Variants in ACSBG2 observed in about 807,000 individuals in gnomAD.
The protein encoded by ACSBG2 is long-chain-fatty-acid--CoA ligase ACSBG2.
ACSBG2 carries 62 observed loss-of-function variants against 74.7 expected under a neutral mutation model. The observed-to-expected ratio is 0.83, with a 90% CI of 0.68 to 1.03. ACSBG2 has a LOEUF of 1.03. Among genes scored for constraint, ACSBG2 ranks in the 50% least tolerant of loss-of-function variants. The probability of loss-of-function intolerance (pLI) is 0.00; values close to 1 mark genes in which losing one functional copy is unlikely to be tolerated. For missense variants in ACSBG2, 730 were observed against 817.6 expected (o/e 0.89, Z 1.31); for synonymous variants, 309 against 294.1 (o/e 1.05, Z -0.52).
intron 1 of ACSBG2, among the ~76,000 whole-genome samples, chr19:6,140,404 G>A (rs1322988880): frequency 6.6e-6 from 1 of 152,156 alleles, no homozygotes; most frequent in Non-Finnish European, 1.5e-5. Context: ...TCTCGGCCAG[G>A]CGCAATGGCT....
chr19:6,141,384 G>A (rs959433078), intron 1 of ACSBG2, 129 bp from the exon 2 acceptor site: 38 of 595,684 alleles, frequency 6.4e-5, no homozygotes, highest in African/African-American at 6.3e-4. Context: ...TCTCCTCCCA[G>A]GCCCAGGACA....
intron 14 of ACSBG2, 108 bp downstream of exon 14, chr19:6,190,800 T>C (rs34836033): frequency 0.38 from 92,115 of 240,314 alleles, 8,719 homozygotes; most frequent in Admixed American, 0.47. Flanking sequence ...AACACACACA[T>C]ACACACATAC....
At chr19:6,168,230 C>G (rs1371502217) in intron 7 of ACSBG2, among the ~76,000 whole-genome samples, 9 of 152,110 alleles carry the variant, frequency 5.9e-5, no homozygotes, top group Non-Finnish European at 8.8e-5. Flanking sequence ...TCCAACACAC[C>G]AGACACGTCC....
chr19:6,181,063 GA>G (rs2090234173), intron 8 of ACSBG2, among the ~76,000 whole-genome samples: 1 of 142,924 alleles, frequency 7.0e-6, no homozygotes, highest in Non-Finnish European at 1.5e-5. Flanking sequence ...AAAAAAAAAA[GA>G]AAAAGAAAAA....
intron 7 of ACSBG2, among the ~76,000 whole-genome samples, chr19:6,171,773 G>A (rs1020336755): frequency 2.0e-5 from 3 of 152,034 alleles, no homozygotes; most frequent in Non-Finnish European, 4.4e-5. Context: ...GCAAGATTAG[G>A]TAAATTTTCC....
At chr19:6,163,783 C>CAAA (rs1278911071) in intron 6 of ACSBG2, among the ~76,000 whole-genome samples, 38 of 81,064 alleles carry the variant, frequency 4.7e-4, no homozygotes, top group Non-Finnish European at 5.7e-4. Flanking sequence ...AAATAAAATA[C>CAAA]AAAAAAAAAA....
chr19:6,139,036 G>T (rs1047459784), intron 1 of ACSBG2, among the ~76,000 whole-genome samples: 2 of 151,908 alleles, frequency 1.3e-5, no homozygotes, highest in African/African-American at 4.8e-5. Flanking sequence ...TACTTTGTGT[G>T]TGTAAACTCC....
At chr19:6,167,962 CCAA>C (rs1397905901) in intron 7 of ACSBG2, among the ~76,000 whole-genome samples, 23 of 149,150 alleles carry the variant, frequency 1.5e-4, no homozygotes, top group African/African-American at 4.5e-4. Flanking sequence ...CGCCTCCCAC[CCAA>C]CTCCCACCCT....
chr19:6,183,977 T>A (rs1416550437), intron 10 of ACSBG2, among the ~76,000 whole-genome samples: 1 of 152,034 alleles, frequency 6.6e-6, no homozygotes, highest in Non-Finnish European at 1.5e-5. Flanking sequence ...TCTGTAAAAG[T>A]TTTTTTGTAG....
At chr19:6,139,028 C>T (rs2088713473) in intron 1 of ACSBG2, among the ~76,000 whole-genome samples, 1 of 151,880 alleles carries the variant, frequency 6.6e-6, no homozygotes, top group African/African-American at 2.4e-5. Context: ...GATTGATCTA[C>T]TTTGTGTGTG....
Position 6,154,524 on chromosome 19 carries a change from T to G in ACSBG2, c.387-1907T>G, listed in dbSNP as rs1416269007. Among the ~76,000 whole-genome samples, 8 of 149,600 alleles carry G rather than the reference T, an allele frequency of 5.3e-5. No homozygotes were observed. The South Asian group carries it at 8.4e-4, about 16-fold the overall frequency. On this transcript the variant is annotated intron_variant, in intron 4 of 14. Coordinates refer to ENST00000588485, the MANE Select transcript of ACSBG2 (RefSeq NM_030924.5). Reference sequence around the variant, plus strand: ...TATATAATATATTATATTATCTATATAGAGAGAGGTGGAGTCTCACTCTGT... The same window carrying G: ...TATATAATATATTATATTATCTATAGAGAGAGAGGTGGAGTCTCACTCTGT...
intron 7 of ACSBG2, 28 bp downstream of exon 7, chr19:6,166,043 T>TGGTG: frequency 6.2e-7 from 1 of 1,611,694 alleles, no homozygotes; most frequent in Non-Finnish European, 8.5e-7. Flanking sequence ...TGCTCTGGAG[T>TGGTG]GGTGGCCTTT....
At chr19:6,142,156 T>C (rs2088867079) in intron 2 of ACSBG2, among the ~76,000 whole-genome samples, 2 of 152,142 alleles carry the variant, frequency 1.3e-5, no homozygotes, top group South Asian at 4.1e-4. Context: ...AGGCCTCATT[T>C]GCATATCTGA....
intron 6 of ACSBG2, among the ~76,000 whole-genome samples, chr19:6,164,059 A>C (rs925248504): frequency 5.3e-5 from 8 of 152,240 alleles, no homozygotes; most frequent in African/African-American, 1.9e-4. Context: ...TGGCCGAGTA[A>C]GACAATGAAC....
At chr19:6,161,450 G>A in intron 6 of ACSBG2, 155 bp downstream of exon 6, 1 of 610,358 alleles carries the variant, frequency 1.6e-6, no homozygotes, top group Non-Finnish European at 2.7e-6. Context: ...CAAAGGAAGT[G>A]AAAGGTGAGG....
chr19:6,172,455 T>C (rs2089988501), intron 7 of ACSBG2, among the ~76,000 whole-genome samples: 1 of 152,106 alleles, frequency 6.6e-6, no homozygotes, highest in East Asian at 1.9e-4. Context: ...GGGCCAAAGG[T>C]CTGTATGGGT....
At chr19:6,184,843 A>AC (rs1295569658) in intron 10 of ACSBG2, among the ~76,000 whole-genome samples, 1 of 107,936 alleles carries the variant, frequency 9.3e-6, no homozygotes, top group East Asian at 2.3e-4. Context: ...AAAAAAAAAA[A>AC]AAAAAAAAAA....
At chr19:6,192,484 A>G (rs907625587) in intron 14 of ACSBG2, among the ~76,000 whole-genome samples, 184 bp from the exon 15 acceptor site, 1 of 152,198 alleles carries the variant, frequency 6.6e-6, no homozygotes, top group Non-Finnish European at 1.5e-5. Flanking sequence ...GGCTCCAGTA[A>G]TGTTTCTTGT....
At chr19:6,138,930 C>T (rs1033884873) in intron 1 of ACSBG2, among the ~76,000 whole-genome samples, 3 of 152,112 alleles carry the variant, frequency 2.0e-5, no homozygotes, top group Non-Finnish European at 4.4e-5. Flanking sequence ...CTCATTTCTT[C>T]TTGGGCCGCA....
Sources: gnomAD v4.1 joint callset for allele counts (sites outside exome capture counted in the v4.1 genomes callset) on GRCh38, gnomAD v4.1.1 for gene constraint, MANE v1.5 for transcripts, NCBI Gene and HGNC (gene_info 2026-07-23, HGNC 2026-07-21) for gene names.